Variants in CNTNAP2 observed in about 807,000 individuals in gnomAD.
The protein encoded by CNTNAP2 is contactin associated protein 2.
CNTNAP2 carries 98 observed loss-of-function variants against 155.2 expected under a neutral mutation model. That is an observed-to-expected ratio of 0.63 (90% CI 0.54 to 0.75). The LOEUF is 0.75. Among genes scored for constraint, CNTNAP2 ranks in the 30% least tolerant of loss-of-function variants. CNTNAP2 has a pLI of 0.00. For missense variants in CNTNAP2, 1,727 were observed against 1,688.1 expected, an observed-to-expected ratio of 1.02 and a Z score of -0.40; for synonymous variants, 651 against 631.2, an observed-to-expected ratio of 1.03 and a Z score of -0.47.
chr7:146,676,077 T>A (rs1168190082), intron 1 of CNTNAP2, among the ~76,000 whole-genome samples: 1 of 152,188 alleles, frequency 6.6e-6, no homozygotes, highest in Non-Finnish European at 1.5e-5. Context: ...TTTTCTATAA[T>A]CTTGTGTTCT....
intron 13 of CNTNAP2, among the ~76,000 whole-genome samples, chr7:147,824,706 C>CAA (rs35259690): frequency 2.7e-5 from 4 of 149,820 alleles, no homozygotes; most frequent in Non-Finnish European, 6.0e-5. Context: ...CAATATCACC[C>CAA]AAAAAAACCC....
Position 147,687,091 on chromosome 7 carries a change from G to C in CNTNAP2, c.2098+47785G>C, listed in dbSNP as rs1379035179. 3.3e-5 allele frequency among the ~76,000 whole-genome samples: 5 copies of C among 152,114 alleles called. No homozygotes were observed. In the East Asian group the frequency reaches 9.7e-4, roughly 29 times the overall value. ...TCTGATTAACCTGATTTGACCTTTA[G>C]AGATTATATACATGTATCAAATTAT... On this transcript the variant is annotated intron_variant, in intron 13 of 23. Transcript: ENST00000361727.
At chr7:146,639,445 T>C (rs770077508) in intron 1 of CNTNAP2, among the ~76,000 whole-genome samples, 10 of 140,104 alleles carry the variant, frequency 7.1e-5, no homozygotes, top group Non-Finnish European at 1.2e-4. Flanking sequence ...ACAAGTATCA[T>C]GTAAGATAGA....
chr7:146,760,408 C>CTTTTTTTTTTTTTTTT (rs1284570579), intron 1 of CNTNAP2, among the ~76,000 whole-genome samples: 2 of 78,868 alleles, frequency 2.5e-5, no homozygotes, highest in Non-Finnish European at 4.7e-5. Context: ...CTCCAATTTA[C>CTTTTTTTTTTTTTTTT]CTTTTTTTTT....
At chr7:146,663,084 C>T (rs1193091287) in intron 1 of CNTNAP2, among the ~76,000 whole-genome samples, 1 of 151,960 alleles carries the variant, frequency 6.6e-6, no homozygotes, top group East Asian at 1.9e-4. Flanking sequence ...TCGAGACCAG[C>T]CTGGCCAATA....
intron 8 of CNTNAP2, among the ~76,000 whole-genome samples, chr7:147,231,683 T>C (rs767942112): frequency 4.6e-5 from 7 of 152,222 alleles, no homozygotes; most frequent in Non-Finnish European, 7.3e-5. Flanking sequence ...TGATGATTAG[T>C]GATGCTGAGC....
intron 9 of CNTNAP2, among the ~76,000 whole-genome samples, chr7:147,382,901 C>T (rs1256218227): frequency 1.3e-5 from 2 of 152,122 alleles, no homozygotes; most frequent in Non-Finnish European, 2.9e-5. Context: ...CCTTCTCAAA[C>T]TTTTTAATAC....
intron 8 of CNTNAP2, among the ~76,000 whole-genome samples, chr7:147,274,838 A>G (rs1207872805): frequency 6.6e-6 from 1 of 151,710 alleles, no homozygotes; most frequent in South Asian, 2.1e-4. Context: ...CTATCTTGTG[A>G]TAATTTTTGT....
intron 10 of CNTNAP2, among the ~76,000 whole-genome samples, chr7:147,445,332 A>T (rs1033515294): frequency 6.6e-6 from 1 of 152,214 alleles, no homozygotes; most frequent in Non-Finnish European, 1.5e-5. Flanking sequence ...CAGTGAGACA[A>T]TAATGCTAGA....
intron 15 of CNTNAP2, among the ~76,000 whole-genome samples, chr7:148,035,258 GC>G: frequency 1.3e-5 from 2 of 152,314 alleles, no homozygotes; most frequent in South Asian, 4.1e-4. Context: ...CTAGAAAGAA[GC>G]CAGGTGCTAT....
chr7:146,870,184 A>G (rs764011764), intron 3 of CNTNAP2, among the ~76,000 whole-genome samples: 5 of 150,008 alleles, frequency 3.3e-5, no homozygotes, highest in Non-Finnish European at 7.4e-5. Flanking sequence ...ACCTGGTGGA[A>G]TTCGGCTGTG....
intron 1 of CNTNAP2, among the ~76,000 whole-genome samples, chr7:146,272,847 C>T (rs1295091168): frequency 6.6e-6 from 1 of 152,036 alleles, no homozygotes; most frequent in South Asian, 2.1e-4. Context: ...GAGGTAAGAC[C>T]TGAGGAATCT....
intron 15 of CNTNAP2, among the ~76,000 whole-genome samples, chr7:148,066,586 C>T (rs1803268836): frequency 1.3e-5 from 2 of 152,080 alleles, no homozygotes; most frequent in Admixed American, 1.3e-4. Flanking sequence ...CAAGCTCCAC[C>T]TCCTGGATTC....
intron 11 of CNTNAP2, among the ~76,000 whole-genome samples, chr7:147,535,520 C>T (rs183922295): frequency 8.7e-4 from 132 of 152,252 alleles, no homozygotes; most frequent in Admixed American, 3.5e-3. Context: ...TGAAAACTTC[C>T]TAAAATCTAA....
intron 4 of CNTNAP2, among the ~76,000 whole-genome samples, chr7:147,047,504 T>C (rs1472144330): frequency 1.3e-5 from 2 of 152,152 alleles, no homozygotes; most frequent in Non-Finnish European, 2.9e-5. Context: ...CTATCATCTA[T>C]ATAGCAATCA....
chr7:148,268,979 T>C (rs964869675), intron 21 of CNTNAP2, among the ~76,000 whole-genome samples: 3 of 152,006 alleles, frequency 2.0e-5, no homozygotes, highest in African/African-American at 7.2e-5. Context: ...GGGCAGGTGA[T>C]AAATGCTGAG....
At chr7:147,491,707 A>T (rs910454422) in intron 11 of CNTNAP2, among the ~76,000 whole-genome samples, 6 of 152,148 alleles carry the variant, frequency 3.9e-5, no homozygotes, top group African/African-American at 1.4e-4. Context: ...TTTAAATTTT[A>T]TTCAATGCCC....
chr7:147,012,554 T>G (rs912347420), intron 3 of CNTNAP2, among the ~76,000 whole-genome samples: 2 of 152,142 alleles, frequency 1.3e-5, no homozygotes, highest in African/African-American at 4.8e-5. Context: ...GTAGTTCTAA[T>G]TGTGGTCACA....
chr7:148,078,614 G>A (rs1477090867), intron 15 of CNTNAP2, among the ~76,000 whole-genome samples: 1 of 152,042 alleles, frequency 6.6e-6, no homozygotes, highest in Non-Finnish European at 1.5e-5. Flanking sequence ...CTGAGTAGTT[G>A]GGATTACAGG....
Sources: allele counts gnomAD v4.1 joint callset (sites outside exome capture counted in the v4.1 genomes callset), GRCh38; gene constraint gnomAD v4.1.1; transcripts MANE v1.5; gene names NCBI Gene and HGNC (gene_info 2026-07-23, HGNC 2026-07-21).